The following XKR6 variants were observed in gnomAD, a reference collection of about 807,000 sequenced individuals.
XKR6 encodes XK-related protein 6.
In XKR6, 22 loss-of-function variants were observed where a neutral mutation model predicts 56.7. The observed-to-expected ratio is 0.39, with a 90% confidence interval of 0.28 to 0.55. The LOEUF is 0.55. XKR6 is among the 20% of genes least tolerant of loss of function. XKR6 has a pLI of 0.66. For missense variants in XKR6, 852 were observed against 889.0 expected, an observed-to-expected ratio of 0.96 and a Z score of 0.53; for synonymous variants, 524 against 387.8, an observed-to-expected ratio of 1.35 and a Z score of -4.13.
chr8:11,119,089 G>A (rs1799319808), intron 1 of XKR6, among the ~76,000 whole-genome samples: 1 of 151,988 alleles, frequency 6.6e-6, no homozygotes. Context: ...TCAGGAGCAG[G>A]TTGTTCAGTT....
chr8:11,114,100 T>C (rs1799040665), intron 1 of XKR6: 1 of 442,754 alleles, frequency 2.3e-6, no homozygotes, highest in Non-Finnish European at 4.5e-6. Context: ...GAGCTAAAAA[T>C]AAAAATACAT....
intron 1 of XKR6, among the ~76,000 whole-genome samples, chr8:11,112,379 T>C (rs137863824): frequency 3.9e-5 from 6 of 152,184 alleles, no homozygotes; most frequent in African/African-American, 1.4e-4. Flanking sequence ...CTCTTCAAAG[T>C]TGTTCTAACC....
chr8:11,069,661 G>A (rs938634255), intron 1 of XKR6, among the ~76,000 whole-genome samples: 1 of 152,130 alleles, frequency 6.6e-6, no homozygotes, highest in Non-Finnish European at 1.5e-5. Context: ...GCTCCAGAGA[G>A]GATCAATAAG....
rs542041790 is a variant in XKR6, at chr8:11,131,290, T to A, written c.764+69286A>T. Among the ~76,000 whole-genome samples the A allele has an allele frequency of 4.9e-4, 75 of 152,282 alleles. 2 individuals carry two copies. The highest frequency in any genetic ancestry group is 1.8e-3 in the African/African-American group (74 of 41,508). ...TTTCTGTTTCATTTTTGGTTCTTAA[T>A]CTGGATTATGCCTCTTTAGCTTCCT... On this transcript the variant is annotated intron_variant, in intron 1 of 2. Transcript: ENST00000416569.
chr8:10,953,240 C>G (rs1304504129), intron 1 of XKR6, among the ~76,000 whole-genome samples: 1 of 152,186 alleles, frequency 6.6e-6, no homozygotes. Context: ...TCCCTGGTGC[C>G]AAAAAGGTTG....
At chr8:11,080,942 G>C (rs1452260733) in intron 1 of XKR6, among the ~76,000 whole-genome samples, 2 of 152,140 alleles carry the variant, frequency 1.3e-5, no homozygotes, top group African/African-American at 4.8e-5. Flanking sequence ...AGATCCGTAT[G>C]ACAAGGAGAA....
intron 1 of XKR6, among the ~76,000 whole-genome samples, chr8:10,932,141 A>G (rs998765636): frequency 2.6e-5 from 4 of 152,196 alleles, no homozygotes; most frequent in African/African-American, 4.8e-5. Flanking sequence ...ATCACAGTGA[A>G]AAAAACCCCA....
chr8:11,054,306 T>A lies in XKR6; in HGVS notation c.765-129476A>T, dbSNP rs367850133. On this transcript the variant is annotated intron_variant, in intron 1 of 2. Coordinates refer to ENST00000416569, the MANE Select transcript of XKR6 (RefSeq NM_173683.4). ...GTGAAAAGAGAGAGCGCACAGTAAG[T>A]TTGTCCTAACTACTAACCTTCCTCT... Among the ~76,000 whole-genome samples the A allele has an allele frequency of 7.5e-4, 114 of 152,282 alleles. 3 individuals are homozygous for A. In the South Asian group the frequency reaches 0.023, roughly 30 times the overall value.
At chr8:11,082,772 G>A (rs983865447) in intron 1 of XKR6, among the ~76,000 whole-genome samples, 1 of 152,182 alleles carries the variant, frequency 6.6e-6, no homozygotes, top group Non-Finnish European at 1.5e-5. Flanking sequence ...CTGGGCCTTT[G>A]GGCCGTCCTC....
rs192705375 is a variant in XKR6 at position 11,065,720 on chromosome 8, C to T, written c.764+134856G>A. Among the ~76,000 whole-genome samples the T allele has an allele frequency of 4.0e-3, 616 of 152,310 alleles. 4 individuals are homozygous for T. Among genetic ancestry groups the T allele is most frequent in the Admixed American group, 9.0e-3 (137 of 15,304 alleles). On this transcript the variant is annotated intron_variant, in intron 1 of 2. Coordinates refer to ENST00000416569, the MANE Select transcript of XKR6 (RefSeq NM_173683.4). Reference sequence around the variant, plus strand: ...CTTTCCCTCCAAGCCGGGCTAAAGTCCGGTCTCTTCCGGAGCCTTTCCTGA... The same window carrying T: ...CTTTCCCTCCAAGCCGGGCTAAAGTTCGGTCTCTTCCGGAGCCTTTCCTGA...
chr8:10,984,325 C>A (rs1258636194), intron 1 of XKR6, among the ~76,000 whole-genome samples: 1 of 152,132 alleles, frequency 6.6e-6, no homozygotes, highest in Non-Finnish European at 1.5e-5. Flanking sequence ...GATACACAAT[C>A]ACACACACCC....
At chr8:11,006,393 G>A (rs1413304489) in intron 1 of XKR6, among the ~76,000 whole-genome samples, 1 of 152,142 alleles carries the variant, frequency 6.6e-6, no homozygotes, top group African/African-American at 2.4e-5. Flanking sequence ...GGTCACAATT[G>A]TCACTATCCA....
intron 1 of XKR6, among the ~76,000 whole-genome samples, chr8:11,094,810 A>G (rs1008796331): frequency 6.6e-6 from 1 of 152,204 alleles, no homozygotes; most frequent in Non-Finnish European, 1.5e-5. Flanking sequence ...CCCAAAGCCC[A>G]GGCCTGCCTG....
intron 1 of XKR6, chr8:11,035,293 A>T (rs781717756): frequency 1.9e-6 from 1 of 534,836 alleles, no homozygotes; most frequent in Non-Finnish European, 3.8e-6. Flanking sequence ...CATCAGCAGC[A>T]TCATCAAGCC....
intron 1 of XKR6, among the ~76,000 whole-genome samples, chr8:11,061,232 G>C (rs1459019254): frequency 6.6e-6 from 1 of 152,204 alleles, no homozygotes; most frequent in African/African-American, 2.4e-5. Context: ...GGGAGGCCCA[G>C]GTGAGAGGAT....
chr8:11,006,086 C>T (rs974702918), intron 1 of XKR6, among the ~76,000 whole-genome samples: 15 of 151,996 alleles, frequency 9.9e-5, no homozygotes, highest in African/African-American at 3.1e-4. Context: ...TCAAGTGATC[C>T]GCCCGCCTCG....
chr8:10,964,154 C>G (rs1802143397), intron 1 of XKR6, among the ~76,000 whole-genome samples: 1 of 152,198 alleles, frequency 6.6e-6, no homozygotes. Flanking sequence ...ACTCCCCTGA[C>G]CTACCTCCCC....
intron 1 of XKR6, among the ~76,000 whole-genome samples, chr8:11,006,858 T>C (rs910917986): frequency 2.6e-5 from 4 of 152,360 alleles, no homozygotes; most frequent in African/African-American, 9.6e-5. Context: ...TCTTTGTTTA[T>C]AGAAGCCCAT....
At chr8:11,075,836 G>T (rs1201428884) in intron 1 of XKR6, among the ~76,000 whole-genome samples, 1 of 152,104 alleles carries the variant, frequency 6.6e-6, no homozygotes, top group African/African-American at 2.4e-5. Flanking sequence ...TCACACCATT[G>T]CACTCCAGCC....
Sources: gnomAD v4.1 joint callset for allele counts (sites outside exome capture counted in the v4.1 genomes callset) on GRCh38, gnomAD v4.1.1 for gene constraint, MANE v1.5 for transcripts, NCBI Gene and HGNC (gene_info 2026-07-23, HGNC 2026-07-21) for gene names.